The following GABRG3 variants were observed in gnomAD, a reference collection of about 807,000 sequenced individuals.
GABRG3 encodes gamma-aminobutyric acid receptor subunit gamma-3.
GABRG3 carries 25 observed loss-of-function variants against 48.8 expected under a neutral mutation model. The ratio of observed to expected loss-of-function variants is 0.51; its 90% CI spans 0.37 to 0.72. The LOEUF is 0.72. Ranked by LOEUF, GABRG3 falls within the 30% of genes least tolerant of loss-of-function variation. The pLI is 0.00. For missense variants in GABRG3, 394 were observed against 577.9 expected (o/e 0.68, Z 3.26); for synonymous variants, 227 against 217.6 (o/e 1.04, Z -0.38).
intron 5 of GABRG3, among the ~76,000 whole-genome samples, chr15:27,465,630 G>A (rs1335224579): frequency 6.6e-6 from 1 of 152,174 alleles, no homozygotes; most frequent in East Asian, 1.9e-4. Context: ...CTTTGCCTAG[G>A]GCAGTGGCTC....
chr15:27,304,897 C>A (rs1892342710), intron 3 of GABRG3, among the ~76,000 whole-genome samples: 1 of 151,936 alleles, frequency 6.6e-6, no homozygotes, highest in African/African-American at 2.4e-5. Context: ...ATACTGGAAC[C>A]TGACAAGGTG....
chr15:27,275,450 G>A (rs1891221728), intron 3 of GABRG3, among the ~76,000 whole-genome samples: 1 of 152,144 alleles, frequency 6.6e-6, no homozygotes, highest in South Asian at 2.1e-4. Context: ...TTGAGATAGA[G>A]CTTTTAAACT....
chr15:27,401,948 A>T (rs568717994), intron 5 of GABRG3, among the ~76,000 whole-genome samples: 1 of 152,336 alleles, frequency 6.6e-6, no homozygotes, highest in African/African-American at 2.4e-5. Flanking sequence ...ACAATTGGCC[A>T]CAAGCCCAAA....
chr15:27,480,749 G>A lies in GABRG3; in HGVS notation c.674G>A (p.Gly225Asp). The A allele has an allele frequency of 6.2e-7, 1 of 1,613,770 alleles. No homozygotes were observed. Among genetic ancestry groups the A allele is most frequent in the Non-Finnish European group, 8.5e-7 (1 of 1,179,812 alleles). The change falls in exon 6 of 10, where the codon GGC (glycine) becomes GAC (aspartate). Residue 225 changes from glycine to aspartate, a missense_variant. Transcript: ENST00000615808. ...SWRLYQFDFM[G>D]LRNTTEIVTT... ...CGGCTTTATCAGTTTGACTTCATGG[G>A]CCTCAGAAACACCACAGAAATCGTG... is the stretch of plus-strand genomic sequence containing the variant.
chr15:27,258,358 T>G (rs1172958818), intron 3 of GABRG3, among the ~76,000 whole-genome samples: 1 of 152,200 alleles, frequency 6.6e-6, no homozygotes. Flanking sequence ...CCCTCTAGTT[T>G]CCAGGTTCAC....
At chr15:27,044,744 A>C (rs894752467) in intron 3 of GABRG3, among the ~76,000 whole-genome samples, 2 of 152,204 alleles carry the variant, frequency 1.3e-5, no homozygotes, top group Admixed American at 1.3e-4. Context: ...GGACAGAGAA[A>C]AGGAAATGAG....
intron 2 of GABRG3, among the ~76,000 whole-genome samples, chr15:26,995,542 T>C (rs993033187): frequency 1.7e-5 from 1 of 58,954 alleles, no homozygotes; most frequent in African/African-American, 4.7e-5. Flanking sequence ...GTTTAATATC[T>C]TTTTTTTTTT....
At chr15:27,218,702 T>C (rs1017890546) in intron 3 of GABRG3, among the ~76,000 whole-genome samples, 6 of 152,314 alleles carry the variant, frequency 3.9e-5, no homozygotes, top group African/African-American at 9.6e-5. Context: ...GCAAATCTTA[T>C]GTGCTGGGTT....
intron 6 of GABRG3, among the ~76,000 whole-genome samples, chr15:27,484,977 G>A (rs1011213931): frequency 1.3e-5 from 2 of 152,226 alleles, no homozygotes; most frequent in Non-Finnish European, 2.9e-5. Context: ...CATGATTTAT[G>A]TGGATGTTAT....
chr15:27,146,196 T>C (rs982457250), intron 3 of GABRG3, among the ~76,000 whole-genome samples: 2 of 152,200 alleles, frequency 1.3e-5, no homozygotes, highest in African/African-American at 4.8e-5. Context: ...GGCTCAAACC[T>C]GTAATCCCAG....
At chr15:27,324,759 CA>C (rs983782314) in intron 3 of GABRG3, among the ~76,000 whole-genome samples, 2 of 152,200 alleles carry the variant, frequency 1.3e-5, no homozygotes, top group Non-Finnish European at 2.9e-5. Flanking sequence ...TGTGCAATGC[CA>C]AGAGCTGCTG....
chr15:27,474,515 TG>T (rs1161988457), intron 5 of GABRG3, among the ~76,000 whole-genome samples: 3 of 152,162 alleles, frequency 2.0e-5, no homozygotes, highest in Admixed American at 6.5e-5. Context: ...TCCAGCGCTT[TG>T]GAAGGGCCCC....
In GABRG3 at chr15:27,535,446, G is replaced by A. The variant is rs1354817083; in HGVS notation, c.*2565G>A. 1 of 152,152 alleles carries A rather than the reference G, an allele frequency of 6.6e-6. No individual in the cohort carries two copies. The allele number at this position is 152,152 out of a possible 1,614,324, so 9.4% of individuals were successfully genotyped here. A position where few individuals can be genotyped will look rare whatever the true frequency, so the allele number is the denominator to read the frequency against. ...AATACACCAATAACCTCAGTTTTCT[G>A]AATCCAGCCATTCTCTTCTTCCCAA... is the stretch of plus-strand genomic sequence containing the variant. On this transcript the variant is annotated 3_prime_UTR_variant, in exon 10 of 10. Coordinates refer to ENST00000615808, the MANE Select transcript of GABRG3 (RefSeq NM_033223.5).
chr15:27,281,868 T>C (rs1172166013), intron 3 of GABRG3, among the ~76,000 whole-genome samples: 4 of 152,154 alleles, frequency 2.6e-5, no homozygotes, highest in Admixed American at 2.6e-4. Context: ...GTGTTCTAAA[T>C]TTTTTACTTT....
intron 5 of GABRG3, among the ~76,000 whole-genome samples, chr15:27,346,251 A>G (rs918033533): frequency 5.3e-5 from 8 of 151,978 alleles, no homozygotes; most frequent in African/African-American, 1.5e-4. Context: ...TATTTCACTC[A>G]CTCTTCTTGC....
chr15:27,333,334 C>G (rs1330879111), intron 5 of GABRG3, among the ~76,000 whole-genome samples: 1 of 152,182 alleles, frequency 6.6e-6, no homozygotes, highest in East Asian at 1.9e-4. Flanking sequence ...GGCAGGGCAC[C>G]ATTGCCGCCT....
At chr15:27,238,298 C>T (rs140961142) in intron 3 of GABRG3, among the ~76,000 whole-genome samples, 1 of 152,260 alleles carries the variant, frequency 6.6e-6, no homozygotes, top group East Asian at 1.9e-4. Context: ...GTTGTCTGAC[C>T]GTGGGCCCTA....
intron 6 of GABRG3, among the ~76,000 whole-genome samples, chr15:27,484,718 C>A (rs1326713581): frequency 6.6e-6 from 1 of 152,126 alleles, no homozygotes; most frequent in South Asian, 2.1e-4. Context: ...GAAACTAAGG[C>A]ATGCTAAACA....
intron 5 of GABRG3, among the ~76,000 whole-genome samples, chr15:27,429,292 A>G (rs542369304): frequency 2.0e-5 from 3 of 152,208 alleles, no homozygotes; most frequent in South Asian, 2.1e-4. Flanking sequence ...CATGAAGACA[A>G]TATATTCATG....
Sources: gnomAD v4.1 joint callset for allele counts (sites outside exome capture counted in the v4.1 genomes callset) on GRCh38, gnomAD v4.1.1 for gene constraint, MANE v1.5 for transcripts, NCBI Gene and HGNC (gene_info 2026-07-23, HGNC 2026-07-21) for gene names.